Variants in LOXHD1 observed in about 807,000 individuals in gnomAD.
LOXHD1 encodes the protein lipoxygenase homology PLAT domains 1.
LOXHD1 carries 205 observed loss-of-function variants against 248.2 expected under a neutral mutation model. The ratio of observed to expected loss-of-function variants is 0.83; its 90% CI spans 0.74 to 0.93. LOXHD1 has a LOEUF of 0.93. Among genes scored for constraint, LOXHD1 ranks in the 40% least tolerant of loss-of-function variants. The pLI is 0.00. For missense variants in LOXHD1, 2,930 were observed against 2,971.6 expected (o/e 0.99, Z 0.33); for synonymous variants, 1,113 against 1,162.8 (o/e 0.96, Z 0.87).
At chr18:46,509,877 G>GGTGGGGGGGGC in intron 34 of LOXHD1, 62 bp from the exon 35 acceptor site, 1 of 551,742 alleles carries the variant, frequency 1.8e-6, no homozygotes. Flanking sequence ...GTTGGGGTGG[G>GGTGGGGGGGGC]CCAGGCCAGA....
chr18:46,646,047 G>A (rs1032864056), intron 2 of LOXHD1, among the ~76,000 whole-genome samples: 2 of 152,212 alleles, frequency 1.3e-5, no homozygotes, highest in African/African-American at 2.4e-5. Context: ...TCTGGGGCCA[G>A]GGGCTATCAG....
chr18:46,573,411 C>T (rs868400518), intron 14 of LOXHD1, among the ~76,000 whole-genome samples: 2 of 152,156 alleles, frequency 1.3e-5, no homozygotes, highest in Admixed American at 1.3e-4. Context: ...TGGTTTATGA[C>T]GGGGCCCATG....
rs1436451147 is a variant in LOXHD1, at chr18:46,524,682, C to T, written c.4740+26G>A. ...CCTCCCCTAGGCATGAGGATGGCCA[C>T]AGGCCCTATATACCCCTTGGCTCAC... On this transcript the variant is annotated intron_variant, in intron 30 of 40. Coordinates refer to ENST00000642948, the MANE Select transcript of LOXHD1 (RefSeq NM_001384474.1). 7 of 1,551,424 alleles carry T rather than the reference C, an allele frequency of 4.5e-6. No homozygotes were observed. The Admixed American group carries it at 9.8e-5, about 22-fold the overall frequency.
chr18:46,589,125 A>G (rs2038117538), intron 12 of LOXHD1, among the ~76,000 whole-genome samples: 1 of 152,196 alleles, frequency 6.6e-6, no homozygotes, highest in Admixed American at 6.5e-5. Flanking sequence ...AGGAAACAGC[A>G]AACTGTTCTC....
rs1268732633 is a variant in LOXHD1, at chr18:46,569,565, C to T, written c.2121G>A (p.Lys707=). ...GASTDSRVYI[K]LYGDKSDTIK... ...TGGTGTCAGATTTATCCCCATAGAG[C>T]TTGATGTAGACTCTAGAATCCGTGC... The change falls in exon 16 of 41, where the codon AAG becomes AAA. Residue 707 remains lysine (K), a synonymous_variant. Transcript: ENST00000642948. 12 of 1,551,614 alleles carry T rather than the reference C, an allele frequency of 7.7e-6. No individual in the cohort carries two copies. Among genetic ancestry groups the T allele is most frequent in the Admixed American group, 3.9e-5 (2 of 50,980 alleles).
At chr18:46,578,302 G>C (rs1368964645) in intron 13 of LOXHD1, among the ~76,000 whole-genome samples, 1 of 152,336 alleles carries the variant, frequency 6.6e-6, no homozygotes, top group African/African-American at 2.4e-5. Context: ...CAGCATAACA[G>C]TAGGGGCAAC....
chr18:46,565,508 A>T (rs531194642), intron 17 of LOXHD1, among the ~76,000 whole-genome samples: 61 of 152,162 alleles, frequency 4.0e-4, no homozygotes, highest in Non-Finnish European at 5.0e-4. Context: ...AGCTGCCTCC[A>T]CAAAGCTCAG....
intron 21 of LOXHD1, among the ~76,000 whole-genome samples, chr18:46,549,046 C>A (rs930517316): frequency 6.6e-6 from 1 of 152,182 alleles, no homozygotes; most frequent in Non-Finnish European, 1.5e-5. Flanking sequence ...CCCCACAGTG[C>A]CAACAAGCAC....
At chr18:46,490,801 T>C (rs1174060764) in intron 37 of LOXHD1, among the ~76,000 whole-genome samples, 1 of 152,238 alleles carries the variant, frequency 6.6e-6, no homozygotes, top group Non-Finnish European at 1.5e-5. Flanking sequence ...ATAAATTTGT[T>C]TCTTAACTCA....
At chr18:46,598,451 T>C (rs1247934982) in intron 8 of LOXHD1, among the ~76,000 whole-genome samples, 2 of 151,804 alleles carry the variant, frequency 1.3e-5, no homozygotes, top group Non-Finnish European at 2.9e-5. Flanking sequence ...GTACTGTAGG[T>C]CTTAGGCCAT....
intron 2 of LOXHD1, 99 bp from the exon 3 acceptor site, chr18:46,642,135 A>G: frequency 9.6e-7 from 1 of 1,036,888 alleles, no homozygotes; most frequent in Non-Finnish European, 1.5e-6. Flanking sequence ...CCATCATCCC[A>G]CTCCTGGGGA....
intron 37 of LOXHD1, among the ~76,000 whole-genome samples, chr18:46,501,275 G>T (rs1447085566): frequency 6.6e-6 from 1 of 152,230 alleles, no homozygotes; most frequent in Non-Finnish European, 1.5e-5. Context: ...CACGTTCTCA[G>T]ATGAGGCTGA....
intron 5 of LOXHD1, 99 bp downstream of exon 5, chr18:46,618,093 G>A: frequency 1.2e-6 from 1 of 820,830 alleles, no homozygotes; most frequent in Non-Finnish European, 2.0e-6. Context: ...GGAGCCCAAA[G>A]TGGGGCTCAA....
intron 13 of LOXHD1, 147 bp downstream of exon 13, chr18:46,579,483 C>T: frequency 9.3e-7 from 1 of 1,072,234 alleles, no homozygotes; most frequent in Admixed American, 2.3e-5. Context: ...TTCCCCAGTT[C>T]CCCGCCCCCT....
In LOXHD1 at chr18:46,509,793, T is replaced by G; in HGVS notation, c.5422A>C (p.Thr1808Pro). Residue 1808 changes from threonine to proline, a missense_variant, in exon 35 of 41, where the codon ACC becomes CCC. By Grantham distance (38) the Thr-to-Pro change is conservative (BLOSUM62 -1). Transcript: ENST00000642948. ...KARFEREQND[T>P]FIMEILDIAP... ...ATGTCTAGGATCTCCATGATGAAGG[T>G]GTCGTTCTGCTCCCGCTCAAACCTG... 1 of 1,543,260 alleles carries G rather than the reference T, an allele frequency of 6.5e-7. No homozygotes were observed. The highest frequency in any genetic ancestry group is 8.7e-7 in the Non-Finnish European group (1 of 1,143,020).
At chr18:46,540,230 G>C (rs2156282) in intron 25 of LOXHD1, among the ~76,000 whole-genome samples, 87,782 of 152,038 alleles carry the variant, frequency 0.58, 26,450 homozygotes, top group Non-Finnish European at 0.66. Context: ...ACCTTAAAGC[G>C]TGCATTGCCA....
chr18:46,508,229 G>A (rs1394774689), intron 35 of LOXHD1, among the ~76,000 whole-genome samples: 4 of 152,164 alleles, frequency 2.6e-5, no homozygotes, highest in African/African-American at 9.7e-5. Flanking sequence ...ACTCAGGTAG[G>A]GGACTGCAGG....
At chr18:46,575,239 C>T (rs2037831610) in intron 14 of LOXHD1, among the ~76,000 whole-genome samples, 1 of 152,134 alleles carries the variant, frequency 6.6e-6, no homozygotes, top group African/African-American at 2.4e-5. Context: ...CAGTTCTGGC[C>T]CTTTCTCTGT....
intron 6 of LOXHD1, 109 bp downstream of exon 6, chr18:46,610,666 GA>G: frequency 7.9e-7 from 1 of 1,264,162 alleles, no homozygotes; most frequent in Non-Finnish European, 1.1e-6. Flanking sequence ...TAGAAGAGTG[GA>G]TGCAGATGGA....
Sources: gnomAD v4.1 joint callset for allele counts (sites outside exome capture counted in the v4.1 genomes callset) on GRCh38, gnomAD v4.1.1 for gene constraint, MANE v1.5 for transcripts, NCBI Gene and HGNC (gene_info 2026-07-23, HGNC 2026-07-21) for gene names.